FRMD4B: variants seen among roughly 807,000 people sequenced by gnomAD.
The protein encoded by FRMD4B is FERM domain containing 4B.
Under a neutral mutation model 141.5 loss-of-function variants are expected in FRMD4B, and 74 were observed. The ratio of observed to expected loss-of-function variants is 0.52; its 90% CI spans 0.43 to 0.63. The LOEUF (loss-of-function observed/expected upper bound fraction) is 0.63, where lower values mean the gene tolerates loss of function less well. FRMD4B is among the 30% of genes least tolerant of loss of function. The pLI is 0.00. For synonymous variants in FRMD4B, 506 were observed against 467.9 expected (o/e 1.08, Z -1.05); for missense variants, 1,366 against 1,253.4 (o/e 1.09, Z -1.36).
chr3:69,292,469 G>A (rs1700903827), intron 4 of FRMD4B, among the ~76,000 whole-genome samples: 1 of 152,182 alleles, frequency 6.6e-6, no homozygotes, highest in African/African-American at 2.4e-5. Flanking sequence ...CTTTGTATTA[G>A]AAACTGGGTT....
At position 69,235,709 on chromosome 3, in the gene FRMD4B, C is replaced by T. The variant is rs529949476; in HGVS notation, c.582-11019G>A. On this transcript the variant is annotated intron_variant, in intron 7 of 22. Transcript: ENST00000398540. ...AAAAAGAAATACTTCTAAGGGACAA[C>T]AGCTCTTTCACTGGGTATTACCAGG... Among the ~76,000 whole-genome samples the T allele has an allele frequency of 2.6e-5, 4 of 151,838 alleles. No individual in the cohort carries two copies. The East Asian group carries it at 7.8e-4, about 29-fold the overall frequency.
chr3:69,369,742 G>T (rs1703773007), intron 1 of FRMD4B, among the ~76,000 whole-genome samples: 2 of 152,128 alleles, frequency 1.3e-5, no homozygotes, highest in Non-Finnish European at 2.9e-5. Context: ...ATAAATTTAA[G>T]TATGATTTGA....
intron 2 of FRMD4B, among the ~76,000 whole-genome samples, chr3:69,411,589 G>A (rs1480790407): frequency 3.3e-5 from 5 of 152,124 alleles, no homozygotes; most frequent in South Asian, 2.1e-4. Context: ...TCTGTCTCCC[G>A]ACTTCATAAA....
chr3:69,329,752 A>G (rs113294559), intron 1 of FRMD4B, among the ~76,000 whole-genome samples: 3,432 of 150,952 alleles, frequency 0.023, 116 homozygotes, highest in African/African-American at 0.079. Context: ...GGCTGGTCTC[A>G]AACTCCTGAC....
At chr3:69,507,861 T>C (rs539506224) in intron 1 of FRMD4B, among the ~76,000 whole-genome samples, 6 of 152,294 alleles carry the variant, frequency 3.9e-5, no homozygotes, top group South Asian at 4.1e-4. Flanking sequence ...GGTTTTTTTT[T>C]CAGAGGTAAG....
chr3:69,387,431 G>A (rs1704285907), upstream of FRMD4B, among the ~76,000 whole-genome samples: 1 of 152,100 alleles, frequency 6.6e-6, no homozygotes, highest in Non-Finnish European at 1.5e-5. Flanking sequence ...TTTTCCCTTA[G>A]AATGTATGAA....
chr3:69,413,397 T>C (rs1704794320), intron 2 of FRMD4B, among the ~76,000 whole-genome samples: 1 of 152,194 alleles, frequency 6.6e-6, no homozygotes, highest in Non-Finnish European at 1.5e-5. Context: ...GTCTTGATGT[T>C]AGAGCCAGAT....
intron 1 of FRMD4B, among the ~76,000 whole-genome samples, chr3:69,376,456 T>C (rs1263764778): frequency 2.6e-5 from 4 of 152,048 alleles, no homozygotes; most frequent in African/African-American, 9.7e-5. Context: ...GCTTAATATC[T>C]AGTAGCTGTT....
intron 1 of FRMD4B, among the ~76,000 whole-genome samples, chr3:69,373,543 A>G (rs1703886223): frequency 6.6e-6 from 1 of 152,236 alleles, no homozygotes; most frequent in African/African-American, 2.4e-5. Context: ...CAAAATGCTC[A>G]GCACTGTGTC....
intron 1 of FRMD4B, among the ~76,000 whole-genome samples, chr3:69,497,498 T>C (rs1169133264): frequency 2.0e-5 from 3 of 152,130 alleles, no homozygotes; most frequent in Admixed American, 6.6e-5. Flanking sequence ...TGGTCAAAAA[T>C]GTGGGCTTTG....
rs192964048 is a variant in FRMD4B, at chr3:69,431,214, T to C, written c.-1+1420A>G. Among the ~76,000 whole-genome samples the C allele has an allele frequency of 6.8e-4, 103 of 152,348 alleles. 3 individuals carry two copies. In the East Asian group the frequency reaches 0.015, roughly 22 times the overall value. Reference sequence around the variant, plus strand: ...AGCAAAGAGTTTAAGATGGTCTTATTTGTAACTTAAGAAAAGTACTGCATC... The same window carrying C: ...AGCAAAGAGTTTAAGATGGTCTTATCTGTAACTTAAGAAAAGTACTGCATC... On this transcript the variant is annotated intron_variant, in intron 2 of 5. Transcript: ENST00000459638.
chr3:69,338,528 T>C (rs1312151570), intron 1 of FRMD4B, among the ~76,000 whole-genome samples: 2 of 151,826 alleles, frequency 1.3e-5, no homozygotes, highest in Admixed American at 6.5e-5. Context: ...AAATGTCCTT[T>C]GCAACAACAT....
At chr3:69,412,874 C>T (rs150158770) in intron 2 of FRMD4B, among the ~76,000 whole-genome samples, 1,090 of 93,186 alleles carry the variant, frequency 0.012, 10 homozygotes, top group South Asian at 0.029. Flanking sequence ...TTTTTTGAGA[C>T]GAGAAGCTCC....
At chr3:69,534,981 T>C (rs1701063827) in intron 1 of FRMD4B, among the ~76,000 whole-genome samples, 1 of 150,830 alleles carries the variant, frequency 6.6e-6, no homozygotes, top group Non-Finnish European at 1.5e-5. Context: ...CAAATAATAA[T>C]AGCTAGAATT....
intron 1 of FRMD4B, among the ~76,000 whole-genome samples, chr3:69,453,968 G>T (rs764729757): frequency 1.3e-5 from 2 of 152,102 alleles, no homozygotes; most frequent in South Asian, 4.1e-4. Context: ...TGTGTCCCCC[G>T]CACTGGGACC....
At chr3:69,410,575 G>A (rs532051116) in intron 2 of FRMD4B, among the ~76,000 whole-genome samples, 4 of 151,744 alleles carry the variant, frequency 2.6e-5, no homozygotes, top group African/African-American at 7.3e-5. Flanking sequence ...CCCTCTGATG[G>A]CACAGGCATG....
intron 1 of FRMD4B, chr3:69,471,654 C>A: frequency 5.7e-6 from 1 of 175,894 alleles, no homozygotes; most frequent in South Asian, 1.4e-4. Flanking sequence ...TTTCTAAGCT[C>A]TAAATGAAGA....
chr3:69,231,352 A>T (rs182841974), intron 7 of FRMD4B, among the ~76,000 whole-genome samples: 86 of 152,210 alleles, frequency 5.7e-4, no homozygotes, highest in African/African-American at 1.9e-3. Flanking sequence ...CAGTGGCACC[A>T]TCTTGGCTAA....
chr3:69,380,545 T>A (rs565757442), intron 1 of FRMD4B, among the ~76,000 whole-genome samples: 1 of 152,360 alleles, frequency 6.6e-6, no homozygotes, highest in South Asian at 2.1e-4. Flanking sequence ...TATTTCATAA[T>A]GCGGCTGCTT....
Sources: allele counts gnomAD v4.1 joint callset (sites outside exome capture counted in the v4.1 genomes callset), GRCh38; gene constraint gnomAD v4.1.1; transcripts MANE v1.5; gene names NCBI Gene and HGNC (gene_info 2026-07-23, HGNC 2026-07-21).